The following LHFPL3 variants were observed in gnomAD, a reference collection of about 807,000 sequenced individuals.
LHFPL3 encodes LHFPL tetraspan subfamily member 3, also known as LHFPL tetraspan subfamily member 3 protein.
LHFPL3 carries 5 observed loss-of-function variants against 19.3 expected under a neutral mutation model. The ratio of observed to expected loss-of-function variants is 0.26; its 90% confidence interval spans 0.14 to 0.54. The LOEUF is 0.54. Ranked by LOEUF, LHFPL3 falls within the 20% of genes least tolerant of loss-of-function variation. LHFPL3 has a pLI of 0.94. For synonymous variants in LHFPL3, 133 were observed against 126.2 expected (o/e 1.05, Z -0.36); for missense variants, 249 against 307.4 (o/e 0.81, Z 1.42).
chr7:104,864,080 T>C (rs977769871), intron 2 of LHFPL3, among the ~76,000 whole-genome samples: 3 of 152,218 alleles, frequency 2.0e-5, no homozygotes, highest in Non-Finnish European at 4.4e-5. Flanking sequence ...TTTTGGTTGA[T>C]TGTAAACTTC....
intron 1 of LHFPL3, among the ~76,000 whole-genome samples, chr7:104,603,139 C>A (rs1159238748): frequency 1.1e-4 from 2 of 17,408 alleles, no homozygotes; most frequent in African/African-American, 1.8e-4. Context: ...TCTTTTTTCC[C>A]TTCCTTCCTT....
At chr7:104,659,715 A>G (rs1792188912) in intron 1 of LHFPL3, among the ~76,000 whole-genome samples, 3 of 152,248 alleles carry the variant, frequency 2.0e-5, no homozygotes, top group African/African-American at 4.8e-5. Context: ...CACATTTGCG[A>G]CTTCTCAAAA....
intron 1 of LHFPL3, chr7:104,668,818 T>C: frequency 6.2e-7 from 1 of 1,611,006 alleles, no homozygotes; most frequent in Non-Finnish European, 8.5e-7. Flanking sequence ...GAGCTGCTTC[T>C]ATCTTTGGAG....
intron 1 of LHFPL3, among the ~76,000 whole-genome samples, chr7:104,677,894 A>T (rs1189828290): frequency 6.6e-6 from 1 of 152,218 alleles, no homozygotes; most frequent in Non-Finnish European, 1.5e-5. Context: ...TTTAATTTTC[A>T]TTGAGTTAAA....
chr7:104,393,475 T>C (rs1362138084), intron 1 of LHFPL3, among the ~76,000 whole-genome samples: 1 of 152,024 alleles, frequency 6.6e-6, no homozygotes, highest in African/African-American at 2.4e-5. Flanking sequence ...CCCAACACTT[T>C]GGGAGGCCAA....
At chr7:104,874,717 G>A (rs909041308) in intron 2 of LHFPL3, among the ~76,000 whole-genome samples, 1 of 152,008 alleles carries the variant, frequency 6.6e-6, no homozygotes, top group African/African-American at 2.4e-5. Flanking sequence ...CTGGCACAGA[G>A]GTAATTCTTT....
chr7:104,372,252 G>C (rs111944670), intron 1 of LHFPL3, among the ~76,000 whole-genome samples: 2 of 152,258 alleles, frequency 1.3e-5, no homozygotes, highest in South Asian at 4.1e-4. Context: ...CCATGTATAC[G>C]TTACCTTTTA....
At chr7:104,759,807 T>A (rs1031810387) in intron 2 of LHFPL3, 35 of 152,200 alleles carry the variant, frequency 2.3e-4, no homozygotes, top group African/African-American at 8.2e-4. Flanking sequence ...ATCATCTGAC[T>A]TTCCCCACAA....
intron 2 of LHFPL3, among the ~76,000 whole-genome samples, chr7:104,863,551 G>A (rs900485102): frequency 6.6e-6 from 1 of 152,236 alleles, no homozygotes; most frequent in Non-Finnish European, 1.5e-5. Flanking sequence ...GATGTAGGGT[G>A]CAGCTGAAAA....
chr7:104,394,819 G>A (rs1159748027), intron 1 of LHFPL3, among the ~76,000 whole-genome samples: 4 of 151,974 alleles, frequency 2.6e-5, no homozygotes, highest in Non-Finnish European at 5.9e-5. Flanking sequence ...TCCTGCCTCA[G>A]CCTCCCGAGT....
chr7:104,804,023 T>C (rs1242789189), intron 2 of LHFPL3: 1 of 152,240 alleles, frequency 6.6e-6, no homozygotes, highest in African/African-American at 2.4e-5. Flanking sequence ...TGGTTCTCCT[T>C]CTGCTATGTT....
At chr7:104,855,231 C>T (rs992213874) in intron 2 of LHFPL3, among the ~76,000 whole-genome samples, 26 of 152,180 alleles carry the variant, frequency 1.7e-4, no homozygotes, top group African/African-American at 6.0e-4. Flanking sequence ...AATGACCTCA[C>T]CTGGAGGTTA....
chr7:104,395,501 C>G lies in LHFPL3; in HGVS notation c.445+66277C>G, dbSNP rs115714244. On this transcript the variant is annotated intron_variant, in intron 1 of 2. Transcript: ENST00000424859. ...CAGCCAGTTTCTTTGCCACCTTCTC[C>G]CAGACTTTCTCCTCCACTCCTACCC... 5.7e-3 allele frequency among the ~76,000 whole-genome samples: 861 copies of G among 152,246 alleles called. 2 individuals carry two copies. Among genetic ancestry groups the G allele is most frequent in the African/African-American group, 0.02 (823 of 41,536 alleles).
intron 1 of LHFPL3, among the ~76,000 whole-genome samples, chr7:104,524,607 C>G (rs1794147327): frequency 6.6e-6 from 1 of 152,162 alleles, no homozygotes; most frequent in Admixed American, 6.6e-5. Context: ...TCCAAGGACT[C>G]CTGATAGACT....
intron 1 of LHFPL3, among the ~76,000 whole-genome samples, chr7:104,404,356 G>A (rs1791375615): frequency 6.6e-6 from 1 of 152,136 alleles, no homozygotes; most frequent in South Asian, 2.1e-4. Context: ...TTAATTAAAT[G>A]TCTTTGGAGT....
chr7:104,349,132 T>C (rs1035846730), intron 1 of LHFPL3, among the ~76,000 whole-genome samples: 1 of 152,026 alleles, frequency 6.6e-6, no homozygotes, highest in Admixed American at 6.6e-5. Flanking sequence ...CCTATATAGG[T>C]AGAGAAAGAA....
intron 1 of LHFPL3, among the ~76,000 whole-genome samples, chr7:104,559,914 T>C (rs376657046): frequency 1.3e-4 from 20 of 148,360 alleles, no homozygotes; most frequent in Non-Finnish European, 2.5e-4. Context: ...TGTCAAAGGC[T>C]TTTTCTGCAT....
At chr7:104,557,783 T>G (rs1385620452) in intron 1 of LHFPL3, among the ~76,000 whole-genome samples, 1 of 151,054 alleles carries the variant, frequency 6.6e-6, no homozygotes, top group Non-Finnish European at 1.5e-5. Context: ...ACCCACTAAC[T>G]CATCATCTAG....
chr7:104,662,824 T>C (rs972041683), intron 1 of LHFPL3, among the ~76,000 whole-genome samples: 2 of 152,220 alleles, frequency 1.3e-5, no homozygotes, highest in African/African-American at 4.8e-5. Flanking sequence ...CAAAAAACTT[T>C]GTAGGATTGC....
Sources: gnomAD v4.1 joint callset for allele counts (sites outside exome capture counted in the v4.1 genomes callset) on GRCh38, gnomAD v4.1.1 for gene constraint, MANE v1.5 for transcripts, NCBI Gene and HGNC (gene_info 2026-07-23, HGNC 2026-07-21) for gene names.